Variants in DSCAM observed in about 807,000 individuals in gnomAD.
DSCAM encodes the protein DS cell adhesion molecule, also known as cell adhesion molecule DSCAM.
In DSCAM, 47 loss-of-function variants were observed where a neutral mutation model predicts 217.7. The ratio of observed to expected loss-of-function variants is 0.22; its 90% CI spans 0.17 to 0.28. The LOEUF is 0.28. Among genes scored for constraint, DSCAM ranks in the 10% least tolerant of loss-of-function variants. DSCAM has a pLI of 1.00. For synonymous variants in DSCAM, 1,056 were observed against 1,015.3 expected (o/e 1.04, Z -0.76); for missense variants, 2,080 against 2,618.3 (o/e 0.79, Z 4.49).
At chr21:40,753,746 G>T (rs2091250166) in intron 1 of DSCAM, among the ~76,000 whole-genome samples, 1 of 152,078 alleles carries the variant, frequency 6.6e-6, no homozygotes, top group Admixed American at 6.6e-5. Flanking sequence ...GCCTAATGGG[G>T]GACCCACACC....
chr21:40,798,811 T>G (rs189645501), intron 1 of DSCAM, among the ~76,000 whole-genome samples: 1 of 152,212 alleles, frequency 6.6e-6, no homozygotes, highest in East Asian at 1.9e-4. Flanking sequence ...TTTCAAGTGT[T>G]TTACAAACTT....
At chr21:40,214,753 C>CAAAAAAAAAAAAAAAAAAAAAAAAAA in intron 11 of DSCAM, among the ~76,000 whole-genome samples, 1 of 120,216 alleles carries the variant, frequency 8.3e-6, no homozygotes, top group African/African-American at 3.2e-5. Flanking sequence ...AAAAAAAAAA[C>CAAAAAAAAAAAAAAAAAAAAAAAAAA]AAAACAAAAA....
At chr21:40,774,456 G>A (rs2091471355) in intron 1 of DSCAM, among the ~76,000 whole-genome samples, 1 of 152,230 alleles carries the variant, frequency 6.6e-6, no homozygotes, top group Non-Finnish European at 1.5e-5. Flanking sequence ...AGGTACACAT[G>A]AGTGACAGTT....
chr21:40,538,023 G>A (rs546030149), intron 3 of DSCAM, among the ~76,000 whole-genome samples: 49 of 152,326 alleles, frequency 3.2e-4, no homozygotes, highest in African/African-American at 1.1e-3. Flanking sequence ...TAAGTGGTAG[G>A]TGAGTGAGTG....
intron 10 of DSCAM, among the ~76,000 whole-genome samples, chr21:40,276,972 TA>T (rs111711519): frequency 0.09 from 12,888 of 143,824 alleles, 648 homozygotes; most frequent in African/African-American, 0.15. Flanking sequence ...TACAACTGGG[TA>T]AAAAAAAAAA....
chr21:40,215,455 T>G (rs1234721316), intron 11 of DSCAM, among the ~76,000 whole-genome samples: 1 of 147,060 alleles, frequency 6.8e-6, no homozygotes, highest in East Asian at 2.0e-4. Context: ...GTGATATATA[T>G]ACCATGAAAT....
intron 9 of DSCAM, among the ~76,000 whole-genome samples, chr21:40,309,464 T>C (rs2074114993): frequency 6.6e-6 from 1 of 152,182 alleles, no homozygotes; most frequent in Non-Finnish European, 1.5e-5. Flanking sequence ...CTTTACAGGC[T>C]GCTCCTTTTC....
chr21:40,846,608 GA>G lies in DSCAM; in HGVS notation c.43+10del. 2 of 1,293,986 alleles carry G rather than the reference GA, an allele frequency of 1.5e-6. No homozygotes were observed. The highest frequency in any genetic ancestry group is 3.8e-5 in the East Asian group (1 of 26,390). The allele number at this position is 1,293,986 out of a possible 1,614,324, so 80.2% of individuals were successfully genotyped here. Reference sequence around the variant, plus strand: ...AAGGAAACGAAATTCATCACAAACCGAAAGGCTCACCATTCGCGAAGCTCTG... The same window carrying G: ...AAGGAAACGAAATTCATCACAAACCGAAGGCTCACCATTCGCGAAGCTCTG... On this transcript the variant is annotated intron_variant, in intron 1 of 32. Coordinates refer to ENST00000400454, the MANE Select transcript of DSCAM (RefSeq NM_001389.5).
intron 3 of DSCAM, among the ~76,000 whole-genome samples, chr21:40,587,130 A>G (rs2076952510): frequency 1.3e-5 from 2 of 152,208 alleles, no homozygotes; most frequent in African/African-American, 4.8e-5. Flanking sequence ...TACGTGTAAT[A>G]ATCTCATCAA....
chr21:40,696,768 T>C (rs1249091617), intron 2 of DSCAM, among the ~76,000 whole-genome samples: 1 of 152,186 alleles, frequency 6.6e-6, no homozygotes, highest in Admixed American at 6.5e-5. Flanking sequence ...TATTTATTTT[T>C]TTAATCAAAT....
In DSCAM at chr21:40,467,706, T is replaced by C. The variant is rs138450751; in HGVS notation, c.509-98461A>G. Among the ~76,000 whole-genome samples the C allele has an allele frequency of 5.0e-3, 765 of 152,198 alleles. 8 individuals are homozygous for C. Among genetic ancestry groups the C allele is most frequent in the African/African-American group, 0.017 (722 of 41,534 alleles). Reference sequence around the variant, plus strand: ...CGAATTTATAGTAAGCAGTAACTTATCTAAGAATTGATTAAAAAATACACA... The same window carrying C: ...CGAATTTATAGTAAGCAGTAACTTACCTAAGAATTGATTAAAAAATACACA... On this transcript the variant is annotated intron_variant, in intron 3 of 32. Coordinates refer to ENST00000400454, the MANE Select transcript of DSCAM (RefSeq NM_001389.5).
At position 40,078,709 on chromosome 21, in the gene DSCAM, G is replaced by A. The variant is rs201376842; in HGVS notation, c.4689C>T (p.Phe1563=). 2.4e-5 allele frequency: 38 copies of A among 1,613,940 alleles called. No homozygotes were observed. Among genetic ancestry groups the A allele is most frequent in the Middle Eastern group, 1.6e-4 (1 of 6,076 alleles). The change falls in exon 26 of 33, where the codon TTC becomes TTT. Residue 1563 remains phenylalanine (F), a synonymous_variant. Coordinates refer to ENST00000400454, the MANE Select transcript of DSCAM (RefSeq NM_001389.5). ...SAGCAEKQAN[F]ATLNYDGSTI... is the part of the protein sequence containing the mutation. ...TACTGCCATCGTAGTTCAGCGTAGC[G>A]AAGTTGGCCTGCTTCTCCGCGCAGC...
In DSCAM at chr21:40,330,763, C is replaced by G. The variant is rs181563954; in HGVS notation, c.1783+7338G>C. Among the ~76,000 whole-genome samples the G allele has an allele frequency of 2.6e-5, 4 of 152,184 alleles. No homozygotes were observed. The East Asian group carries it at 7.7e-4, about 29-fold the overall frequency. On this transcript the variant is annotated intron_variant, in intron 8 of 32. Coordinates refer to ENST00000400454, the MANE Select transcript of DSCAM (RefSeq NM_001389.5). The stretch of plus-strand genomic sequence containing the variant: ...TCTTGCGTCATTTAAAAAGGGAGGA[C>G]AGTGAAAGTTCCCACTTCATTAGCT...
At chr21:40,090,221 T>C (rs1386521045) in intron 21 of DSCAM, among the ~76,000 whole-genome samples, 1 of 152,162 alleles carries the variant, frequency 6.6e-6, no homozygotes, top group East Asian at 1.9e-4. Flanking sequence ...TCTACTGGGA[T>C]CTTCCCGTTA....
chr21:40,481,382 C>A (rs564592458), intron 3 of DSCAM, among the ~76,000 whole-genome samples: 1 of 151,614 alleles, frequency 6.6e-6, no homozygotes, highest in African/African-American at 2.4e-5. Context: ...CCCAGCTACT[C>A]GGGAGGCTGA....
At chr21:40,808,650 A>T (rs764889868) in intron 1 of DSCAM, among the ~76,000 whole-genome samples, 2 of 151,564 alleles carry the variant, frequency 1.3e-5, no homozygotes, top group Non-Finnish European at 2.9e-5. Context: ...AATTTTTTTC[A>T]CTTTTTGTAG....
chr21:40,445,178 C>T (rs2075664414), intron 3 of DSCAM, among the ~76,000 whole-genome samples: 1 of 152,146 alleles, frequency 6.6e-6, no homozygotes, highest in Non-Finnish European at 1.5e-5. Flanking sequence ...GTTCTCATGT[C>T]TTAATCACTT....
At chr21:40,415,623 C>T (rs577579313) in intron 3 of DSCAM, among the ~76,000 whole-genome samples, 1 of 152,328 alleles carries the variant, frequency 6.6e-6, no homozygotes, top group East Asian at 1.9e-4. Flanking sequence ...AGGGAAGTTG[C>T]CCTGGCCCTG....
At chr21:40,015,853 C>A (rs1445386094) in intron 32 of DSCAM, among the ~76,000 whole-genome samples, 3 of 152,250 alleles carry the variant, frequency 2.0e-5, no homozygotes, top group African/African-American at 7.2e-5. Flanking sequence ...GCAACCAACA[C>A]TGCCTGACTT....
Sources: allele counts gnomAD v4.1 joint callset (sites outside exome capture counted in the v4.1 genomes callset), GRCh38; gene constraint gnomAD v4.1.1; transcripts MANE v1.5; gene names NCBI Gene and HGNC (gene_info 2026-07-23, HGNC 2026-07-21).